TRPM3: variants seen among roughly 807,000 people sequenced by gnomAD.
TRPM3 encodes the protein transient receptor potential cation channel subfamily M member 3, also known as long transient receptor potential channel 3.
A neutral mutation model predicts 181.2 loss-of-function variants in TRPM3; 77 were observed. The ratio of observed to expected loss-of-function variants is 0.42; its 90% confidence interval spans 0.35 to 0.51. The LOEUF is 0.51. Among genes scored for constraint, TRPM3 ranks in the 20% least tolerant of loss-of-function variants. The probability of loss-of-function intolerance (pLI) is 0.01; values close to 1 mark genes in which losing one functional copy is unlikely to be tolerated. For synonymous variants in TRPM3, 745 were observed against 796.4 expected (o/e 0.94, Z 1.09); for missense variants, 1,759 against 2,196.7 (o/e 0.80, Z 3.98).
At chr9:71,217,268 A>G (rs1333609008) in intron 1 of TRPM3, among the ~76,000 whole-genome samples, 3 of 152,072 alleles carry the variant, frequency 2.0e-5, no homozygotes, top group Non-Finnish European at 4.4e-5. Flanking sequence ...CTTTCTTAAA[A>G]CATTCTCTCT....
In TRPM3 at chr9:70,625,183, A is replaced by T; in HGVS notation, c.1809+8T>A. ...CAGGAAGGGCCCCGAATTTGCAGCC[A>T]GCCTCACCCTCTTGGGGCCGAAGAG... On this transcript the variant is annotated splice_region_variant and intron_variant, in intron 14 of 25. Transcript: ENST00000677713. The surrounding 1 kb of genome is among the most constrained non-coding windows in gnomAD (Gnocchi z 4.8). 1.2e-6 allele frequency: 2 copies of T among 1,613,920 alleles called. No homozygotes were observed. Among genetic ancestry groups the T allele is most frequent in the Non-Finnish European group, 1.7e-6 (2 of 1,179,868 alleles).
intron 1 of TRPM3, among the ~76,000 whole-genome samples, chr9:70,923,711 G>T (rs2096683367): frequency 1.3e-5 from 2 of 151,390 alleles, no homozygotes; most frequent in South Asian, 4.2e-4. Context: ...GAGTTACTCT[G>T]AAAGCTGTCC....
chr9:71,315,629 C>A (rs1304478075), intron 1 of TRPM3, among the ~76,000 whole-genome samples: 1 of 152,064 alleles, frequency 6.6e-6, no homozygotes, highest in Admixed American at 6.6e-5. Context: ...TCCTCCAGCT[C>A]ATTTATTAAA....
intron 1 of TRPM3, among the ~76,000 whole-genome samples, chr9:71,096,590 A>ACTCTCTCT (rs71367255): frequency 1.8e-4 from 16 of 90,042 alleles, no homozygotes; most frequent in African/African-American, 6.2e-4. Context: ...ACACACACAC[A>ACTCTCTCT]CTCTCTCTCT....
chr9:70,980,986 T>C (rs2097358225), intron 1 of TRPM3, among the ~76,000 whole-genome samples: 1 of 152,182 alleles, frequency 6.6e-6, no homozygotes, highest in East Asian at 1.9e-4. Flanking sequence ...TGCATGTGAG[T>C]ATGCATACAC....
intron 1 of TRPM3, among the ~76,000 whole-genome samples, chr9:71,289,041 T>C (rs184682337): frequency 9.2e-5 from 14 of 152,184 alleles, no homozygotes; most frequent in Admixed American, 9.2e-4. Context: ...ACATTTATTT[T>C]AAAGATGTAA....
chr9:71,305,180 T>G (rs912319305), intron 1 of TRPM3, among the ~76,000 whole-genome samples: 1 of 152,198 alleles, frequency 6.6e-6, no homozygotes, highest in Non-Finnish European at 1.5e-5. Context: ...CATGGACATT[T>G]AGTGCAGTGA....
At chr9:70,841,871 G>A (rs1589128154) in intron 5 of TRPM3, among the ~76,000 whole-genome samples, 1 of 151,388 alleles carries the variant, frequency 6.6e-6, no homozygotes, top group Non-Finnish European at 1.5e-5. Context: ...TGTAAGTGGG[G>A]GCAAAGTACT....
chr9:70,745,970 T>C (rs1416305695), intron 8 of TRPM3, among the ~76,000 whole-genome samples: 1 of 152,188 alleles, frequency 6.6e-6, no homozygotes, highest in Non-Finnish European at 1.5e-5. Flanking sequence ...TGTAGTTATA[T>C]GTAGAATAAT....
intron 1 of TRPM3, among the ~76,000 whole-genome samples, chr9:71,171,240 C>T (rs974872094): frequency 6.6e-6 from 1 of 152,098 alleles, no homozygotes; most frequent in African/African-American, 2.4e-5. Context: ...TAATTTTGCC[C>T]CAGTCCTGTG....
intron 1 of TRPM3, among the ~76,000 whole-genome samples, chr9:70,921,942 A>AAC (rs71367238): frequency 0.15 from 20,839 of 139,386 alleles, 1,666 homozygotes; most frequent in East Asian, 0.33. Context: ...CACACAAACA[A>AAC]ACACACACAC....
chr9:71,434,002 GA>G lies in TRPM3; in HGVS notation c.183+12650del, dbSNP rs1486272765. Reference sequence around the variant, plus strand: ...GAAACCCCATCTCTACTAAAAATACGAAAAAAATTAGCCAGGCGTGGTGGCG... The same window carrying G: ...GAAACCCCATCTCTACTAAAAATACGAAAAAATTAGCCAGGCGTGGTGGCG... On this transcript the variant is annotated intron_variant, in intron 1 of 24. Coordinates refer to the TRPM3 transcript ENST00000357533. 4.6e-5 allele frequency among the ~76,000 whole-genome samples: 7 copies of G among 151,776 alleles called. No individual in the cohort carries two copies. In the East Asian group the frequency reaches 7.8e-4, roughly 17 times the overall value.
intron 1 of TRPM3, among the ~76,000 whole-genome samples, chr9:71,374,907 C>T (rs1227994976): frequency 6.6e-6 from 1 of 152,094 alleles, no homozygotes; most frequent in Non-Finnish European, 1.5e-5. Flanking sequence ...AGGACCTCTT[C>T]AAGAACTCCA....
chr9:71,408,513 G>C (rs2093480583), intron 1 of TRPM3, among the ~76,000 whole-genome samples: 1 of 152,164 alleles, frequency 6.6e-6, no homozygotes, highest in African/African-American at 2.4e-5. Flanking sequence ...AGTGATTGAA[G>C]ATCAAATGAA....
chr9:71,431,005 CATTGTG>C, intron 1 of TRPM3, among the ~76,000 whole-genome samples: 1 of 152,206 alleles, frequency 6.6e-6, no homozygotes, highest in East Asian at 1.9e-4. Context: ...GATTGAGGGT[CATTGTG>C]ATGGACATCA....
chr9:71,004,693 GT>G (rs1316920052), intron 1 of TRPM3, among the ~76,000 whole-genome samples: 1 of 152,128 alleles, frequency 6.6e-6, no homozygotes, highest in African/African-American at 2.4e-5. Context: ...TCTTAAAGAA[GT>G]TTAGGGAATC....
chr9:70,969,171 A>G (rs1303417251), intron 1 of TRPM3, among the ~76,000 whole-genome samples: 2 of 152,134 alleles, frequency 1.3e-5, no homozygotes, highest in South Asian at 2.1e-4. Context: ...AACAATTACA[A>G]GAACAGAAAA....
rs543942097 is a variant in TRPM3 at position 71,079,813 on chromosome 9, C to T, written c.177+41365G>A. On this transcript the variant is annotated intron_variant, in intron 1 of 25. Coordinates refer to ENST00000677713, the MANE Select transcript of TRPM3 (RefSeq NM_001366145.2). ...CTCCTATATCCTGAAATGGACTTTC[C>T]GCACTGCCCACATTACCCCCAGTGG... Among the ~76,000 whole-genome samples the T allele has an allele frequency of 2.6e-5, 4 of 152,194 alleles. No individual in the cohort carries two copies. The East Asian group carries it at 5.8e-4, about 22-fold the overall frequency.
chr9:70,992,461 G>T (rs931977140), intron 1 of TRPM3, among the ~76,000 whole-genome samples: 2 of 152,126 alleles, frequency 1.3e-5, no homozygotes, highest in Admixed American at 1.3e-4. Context: ...CTATGTGCTG[G>T]GTACTGTCTG....
Sources: gnomAD v4.1 joint callset for allele counts (sites outside exome capture counted in the v4.1 genomes callset) on GRCh38, gnomAD v4.1.1 for gene constraint, Gnocchi (gnomAD v3.1) non-coding constraint, MANE v1.5 for transcripts, NCBI Gene and HGNC (gene_info 2026-07-23, HGNC 2026-07-21) for gene names.